The following HIKESHI variants were observed in gnomAD, a reference collection of about 807,000 sequenced individuals.
HIKESHI encodes the protein protein Hikeshi.
A neutral mutation model predicts 25.7 loss-of-function variants in HIKESHI; 13 were observed. The observed-to-expected ratio is 0.51, with a 90% CI of 0.33 to 0.80. HIKESHI has a LOEUF of 0.80. HIKESHI is among the 30% of genes least tolerant of loss of function. The pLI is 0.02. For synonymous variants in HIKESHI, 76 were observed against 78.7 expected, an observed-to-expected ratio of 0.97 and a Z score of 0.18; for missense variants, 174 against 229.5, an observed-to-expected ratio of 0.76 and a Z score of 1.56.
intron 2 of HIKESHI, among the ~76,000 whole-genome samples, chr11:86,326,167 G>A (rs1947278297): frequency 6.6e-6 from 1 of 152,248 alleles, no homozygotes; most frequent in Non-Finnish European, 1.5e-5. Context: ...GTGTGGTGGT[G>A]CATGGTTGTA....
intron 2 of HIKESHI, among the ~76,000 whole-genome samples, chr11:86,319,236 A>ATTTTTT (rs1279354045): frequency 1.2e-5 from 1 of 82,988 alleles, no homozygotes. Flanking sequence ...ATATATATAT[A>ATTTTTT]TATATATTTT....
At chr11:86,344,822 T>C in intron 4 of HIKESHI, 101 bp downstream of exon 4, 1 of 839,086 alleles carries the variant, frequency 1.2e-6, no homozygotes, top group Non-Finnish European at 2.0e-6. Flanking sequence ...CATATTCTTT[T>C]ATTGTGAACA....
At chr11:86,345,513 C>T in intron 4 of HIKESHI, 71 bp from the exon 5 acceptor site, 1 of 843,396 alleles carries the variant, frequency 1.2e-6, no homozygotes. Context: ...TTGGATAAGT[C>T]ATTTGGCAGT....
At chr11:86,315,911 TG>T (rs1376018382) in intron 2 of HIKESHI, among the ~76,000 whole-genome samples, 1 of 152,160 alleles carries the variant, frequency 6.6e-6, no homozygotes, top group Non-Finnish European at 1.5e-5. Flanking sequence ...TCTGAGTTAC[TG>T]TTTTTTGAGG....
At position 86,345,605 on chromosome 11, in the gene HIKESHI, A is replaced by C; in HGVS notation, c.561A>C (p.Arg187=). Residue 187 remains arginine, a synonymous_variant, in exon 5 of 5, where the codon CGA becomes CGC. Coordinates refer to ENST00000278483, the MANE Select transcript of HIKESHI (RefSeq NM_016401.4). ...CTAGGTATGAAAACTTTCAAAGACG[A>C]CTAGCACAGAACCCTCTCTTTTGGA... ...VLKWYENFQR[R]LAQNPLFWKT 1 of 1,554,074 alleles carries C rather than the reference A, an allele frequency of 6.4e-7. No individual in the cohort carries two copies.
chr11:86,322,281 C>T (rs1263177265), intron 2 of HIKESHI, among the ~76,000 whole-genome samples: 3 of 152,156 alleles, frequency 2.0e-5, no homozygotes, highest in Non-Finnish European at 4.4e-5. Context: ...GCCACCATGC[C>T]CGGCCTCCGA....
At chr11:86,335,419 CTGACATAT>C (rs1203105470) in intron 2 of HIKESHI, among the ~76,000 whole-genome samples, 1 of 152,190 alleles carries the variant, frequency 6.6e-6, no homozygotes, top group Non-Finnish European at 1.5e-5. Context: ...TTGAAATTCT[CTGACATAT>C]TCTTGGTAAT....
intron 2 of HIKESHI, among the ~76,000 whole-genome samples, chr11:86,312,098 A>C (rs902810337): frequency 1.8e-4 from 28 of 152,014 alleles, no homozygotes; most frequent in Non-Finnish European, 3.7e-4. Context: ...GAGCTGAGTT[A>C]AGTTCCTGGA....
chr11:86,345,699 C>G lies in HIKESHI; in HGVS notation c.*61C>G. On this transcript the variant is annotated 3_prime_UTR_variant, in exon 5 of 5. Coordinates refer to ENST00000278483, the MANE Select transcript of HIKESHI (RefSeq NM_016401.4). ...TGTCATGTTTTGAAGATAACTGACT[C>G]CATCTAAAAGTATGAGGTCAAAGGA... The G allele has an allele frequency of 9.3e-7, 1 of 1,072,520 alleles. No homozygotes were observed. Among genetic ancestry groups the G allele is most frequent in the African/African-American group, 1.6e-5 (1 of 62,010 alleles). The allele number at this position is 1,072,520 out of a possible 1,614,324, so 66.4% of individuals were successfully genotyped here. A position where few individuals can be genotyped will look rare whatever the true frequency, so the allele number is the denominator to read the frequency against.
intron 4 of HIKESHI, 170 bp downstream of exon 4, chr11:86,344,891 C>T: frequency 2.0e-6 from 1 of 512,598 alleles, no homozygotes; most frequent in Non-Finnish European, 3.3e-6. Context: ...ACAGTTCTTA[C>T]CCTAAATATT....
At chr11:86,307,182 A>G (rs1186376641) in intron 2 of HIKESHI, among the ~76,000 whole-genome samples, 2 of 84,786 alleles carry the variant, frequency 2.4e-5, no homozygotes, top group African/African-American at 9.1e-5. Context: ...TATATCAAAT[A>G]TATATTATGT....
chr11:86,312,753 G>C (rs1037729435), intron 2 of HIKESHI, among the ~76,000 whole-genome samples: 1 of 152,254 alleles, frequency 6.6e-6, no homozygotes, highest in East Asian at 1.9e-4. Flanking sequence ...GGCAGGCCTG[G>C]TGGTGACAAA....
At chr11:86,316,267 T>C (rs1196160853) in intron 2 of HIKESHI, among the ~76,000 whole-genome samples, 1 of 151,934 alleles carries the variant, frequency 6.6e-6, no homozygotes, top group Admixed American at 6.6e-5. Flanking sequence ...TCCCAACACT[T>C]TGGGAGGCCA....
intron 1 of HIKESHI, among the ~76,000 whole-genome samples, chr11:86,304,088 A>AT (rs1946560179): frequency 6.6e-6 from 1 of 152,046 alleles, no homozygotes; most frequent in Non-Finnish European, 1.5e-5. Context: ...AAGCTGGAGG[A>AT]TTTTAAAGTG....
chr11:86,327,917 A>G (rs1470718571), intron 2 of HIKESHI, among the ~76,000 whole-genome samples: 1 of 152,212 alleles, frequency 6.6e-6, no homozygotes, highest in Non-Finnish European at 1.5e-5. Context: ...CCTTTAAAAC[A>G]AATGGTATAG....
At chr11:86,312,009 T>C (rs1177575453) in intron 2 of HIKESHI, among the ~76,000 whole-genome samples, 1 of 152,176 alleles carries the variant, frequency 6.6e-6, no homozygotes, top group Non-Finnish European at 1.5e-5. Context: ...ATAAGTGCGA[T>C]GTGGTGCTGA....
Position 86,302,402 on chromosome 11 carries a change from A to T in HIKESHI, c.-47A>T. The T allele has an allele frequency of 2.6e-6, 4 of 1,550,866 alleles. No individual in the cohort carries two copies. The highest frequency in any genetic ancestry group is 3.5e-6 in the Non-Finnish European group (4 of 1,146,762). On this transcript the variant is annotated 5_prime_UTR_variant, in exon 1 of 5. Transcript: ENST00000278483. ...CTAGGGCAGTAGCCCCAGGACTCCT[A>T]GTCGCCGGCTTCAGGTCACTGCCGG... is the stretch of plus-strand genomic sequence containing the variant.
chr11:86,308,130 T>A (rs1222412929), intron 2 of HIKESHI, among the ~76,000 whole-genome samples: 1 of 128,172 alleles, frequency 7.8e-6, no homozygotes, highest in African/African-American at 3.1e-5. Context: ...ATACTATGTA[T>A]TACATGTAAA....
At chr11:86,337,645 T>C (rs1258108380) in intron 3 of HIKESHI, 115 bp downstream of exon 3, 5 of 1,169,912 alleles carry the variant, frequency 4.3e-6, no homozygotes, top group Non-Finnish European at 4.7e-6. Flanking sequence ...GATACATGTT[T>C]ACATTTTGTT....
Sources: gnomAD v4.1 joint callset for allele counts (sites outside exome capture counted in the v4.1 genomes callset) on GRCh38, gnomAD v4.1.1 for gene constraint, MANE v1.5 for transcripts, NCBI Gene and HGNC (gene_info 2026-07-23, HGNC 2026-07-21) for gene names.